The following OGFOD3 variants were observed in gnomAD, a reference collection of about 807,000 sequenced individuals.
OGFOD3 encodes the protein 2-oxoglutarate and iron-dependent oxygenase domain-containing protein 3.
In OGFOD3, 35 loss-of-function variants were observed where a neutral mutation model predicts 39.8. The ratio of observed to expected loss-of-function variants is 0.88; its 90% CI spans 0.67 to 1.17. The LOEUF (loss-of-function observed/expected upper bound fraction) is 1.17. OGFOD3 is among the 50% of genes most tolerant of loss of function. The pLI, the probability that OGFOD3 is intolerant of heterozygous loss-of-function variation, is 0.00. For synonymous variants in OGFOD3, 200 were observed against 192.0 expected (o/e 1.04, Z -0.34); for missense variants, 438 against 454.5 (o/e 0.96, Z 0.33).
At position 82,415,998 on chromosome 17, in the gene OGFOD3, G is replaced by A. The variant is rs1202139393; in HGVS notation, c.75-371C>T. Reference sequence around the variant, plus strand: ...AATCCCAGCACCTGGGGAGGCCAAGGCGGGCAGATCACCTGAGGTCAGGGT... The same window carrying A: ...AATCCCAGCACCTGGGGAGGCCAAGACGGGCAGATCACCTGAGGTCAGGGT... On this transcript the variant is annotated intron_variant, in intron 1 of 8. Coordinates refer to ENST00000313056, the MANE Select transcript of OGFOD3 (RefSeq NM_024648.3). The surrounding 1 kb of genome is among the most constrained non-coding windows in gnomAD (Gnocchi z 5.3). Among the ~76,000 whole-genome samples, 1 of 152,134 alleles carries A rather than the reference G, an allele frequency of 6.6e-6. No homozygotes were observed. The highest frequency in any genetic ancestry group is 6.5e-5 in the Admixed American group (1 of 15,276).
rs1477475373 is a variant in OGFOD3, at chr17:82,405,373, C to T, written c.496G>A (p.Gly166Arg). 6.2e-6 allele frequency: 10 copies of T among 1,613,688 alleles called. No homozygotes were observed. Among genetic ancestry groups the T allele is most frequent in the South Asian group, 4.4e-5 (4 of 91,084 alleles). ...GAGAAGATGTTCTGTATTTTATCCC[C>T]GAAGTATCTGTGAAAAAAGGAGTAT... ...KHFVNLYRYF[G>R]DKIQNIFSEE... Residue 166 changes from glycine (G) to arginine (R), a missense_variant, in exon 6 of 9, where the codon GGG becomes AGG. Physicochemically the swap from Gly to Arg is moderately radical, Grantham distance 125. Coordinates refer to ENST00000313056, the MANE Select transcript of OGFOD3 (RefSeq NM_024648.3).
At chr17:82,399,463 G>A (rs375743502) in intron 7 of OGFOD3, among the ~76,000 whole-genome samples, 1 of 152,330 alleles carries the variant, frequency 6.6e-6, no homozygotes, top group African/African-American at 2.4e-5. Context: ...GTAATAAAAT[G>A]CAGAACCTAA....
chr17:82,407,025 C>T (rs901731353), intron 4 of OGFOD3, among the ~76,000 whole-genome samples: 2 of 152,160 alleles, frequency 1.3e-5, no homozygotes, highest in Non-Finnish European at 2.9e-5. Flanking sequence ...CAAAACCAGC[C>T]TGGCTAACAT....
At chr17:82,410,537 C>T (rs767466076) in intron 3 of OGFOD3, among the ~76,000 whole-genome samples, 23 of 152,114 alleles carry the variant, frequency 1.5e-4, no homozygotes, top group Non-Finnish European at 2.8e-4. Context: ...AGCAGTGTCC[C>T]GGAGGCTCCG....
chr17:82,405,723 G>T (rs930385030), intron 5 of OGFOD3, among the ~76,000 whole-genome samples: 2 of 152,086 alleles, frequency 1.3e-5, no homozygotes, highest in African/African-American at 2.4e-5. Context: ...GCCGAGGCAG[G>T]TGGATCACTT....
intron 7 of OGFOD3, among the ~76,000 whole-genome samples, chr17:82,401,823 A>AAAAAAAAAAAAAAAAAAAAAAAAAAAAC (rs56137245): frequency 6.8e-6 from 1 of 146,810 alleles, no homozygotes; most frequent in Non-Finnish European, 1.5e-5. Context: ...AAAAAAAAAA[A>AAAAAAAAAAAAAAAAAAAAAAAAAAAAC]CAAAGACTGC....
intron 2 of OGFOD3, among the ~76,000 whole-genome samples, chr17:82,411,960 C>G (rs1013642689): frequency 2.8e-4 from 42 of 151,924 alleles, no homozygotes; most frequent in African/African-American, 9.2e-4. Context: ...GAAAACCCTC[C>G]TGAGGCCACC....
chr17:82,410,861 G>A (rs1470656081), intron 3 of OGFOD3, among the ~76,000 whole-genome samples: 3 of 151,202 alleles, frequency 2.0e-5, no homozygotes, highest in Non-Finnish European at 4.4e-5. Context: ...TGGGATTACA[G>A]GAGTGTGCCA....
intron 8 of OGFOD3, among the ~76,000 whole-genome samples, chr17:82,395,617 T>C (rs1013796619): frequency 6.6e-6 from 1 of 152,026 alleles, no homozygotes; most frequent in Non-Finnish European, 1.5e-5. Flanking sequence ...GTCAGGAGAT[T>C]GAGACCATTC....
chr17:82,405,250 C>T (rs543939395), intron 6 of OGFOD3, 74 bp downstream of exon 6: 49 of 1,336,776 alleles, frequency 3.7e-5, no homozygotes, highest in African/African-American at 3.6e-4. Context: ...CTCCCCGGAC[C>T]GGCCAGCTCT....
chr17:82,399,754 G>C (rs562622397), intron 7 of OGFOD3, among the ~76,000 whole-genome samples: 82 of 152,298 alleles, frequency 5.4e-4, no homozygotes, highest in Non-Finnish European at 4.4e-5. Context: ...CTCAGGGGTC[G>C]CAGCACTCAG....
At chr17:82,395,603 C>T (rs896138304) in intron 8 of OGFOD3, among the ~76,000 whole-genome samples, 7 of 152,188 alleles carry the variant, frequency 4.6e-5, no homozygotes, top group Admixed American at 2.0e-4. Flanking sequence ...GGGTGGATCA[C>T]GAGGTCAGGA....
chr17:82,403,762 C>A, intron 7 of OGFOD3, 175 bp downstream of exon 7: 1 of 829,690 alleles, frequency 1.2e-6, no homozygotes, highest in Non-Finnish European at 1.9e-6. Context: ...TCCACATGCG[C>A]GCTCACCCTG....
chr17:82,406,322 T>C lies in OGFOD3; in HGVS notation c.488+96A>G. On this transcript the variant is annotated intron_variant, in intron 5 of 8. Coordinates refer to ENST00000313056, the MANE Select transcript of OGFOD3 (RefSeq NM_024648.3). This position sits in a 1 kb window ranked among gnomAD's most constrained non-coding sequence, Gnocchi z 5.2. Reference sequence around the variant, plus strand: ...AGGCTGCACCGAGCCGGATCCTCCCTCACATGTCCACGTGTCCACATGTCC... The same window carrying C: ...AGGCTGCACCGAGCCGGATCCTCCCCCACATGTCCACGTGTCCACATGTCC... The C allele has an allele frequency of 1.7e-6, 2 of 1,158,288 alleles. No homozygotes were observed. Among genetic ancestry groups the C allele is most frequent in the Non-Finnish European group, 2.6e-6 (2 of 774,942 alleles). 71.8% of individuals were successfully genotyped at this position (1,158,288 alleles called of 1,614,324 possible).
At chr17:82,412,068 C>T (rs1246681967) in intron 2 of OGFOD3, among the ~76,000 whole-genome samples, 2 of 71,724 alleles carry the variant, frequency 2.8e-5, no homozygotes, top group Non-Finnish European at 5.8e-5. Context: ...GAAAACCCTC[C>T]TGAGACCGCC....
Position 82,415,472 on chromosome 17 carries a change from C to T in OGFOD3, c.230G>A (p.Arg77His), listed in dbSNP as rs138722964. Residue 77 changes from arginine to histidine, a missense_variant, in exon 2 of 9, where the codon CGT (arginine) becomes CAT (histidine). Transcript: ENST00000313056. This position sits in a 1 kb window ranked among gnomAD's most constrained non-coding sequence, Gnocchi z 5.3. ...GAATCTCCCTGCCACGACCTCGCCA[C>T]GGCGGGCCAGGACCTCTGCGACCCC... Reference protein sequence around the residue: ...DDGVAEVLARRGEVVAGRFIE... With the variant: ...DDGVAEVLARHGEVVAGRFIE... 3.0e-5 allele frequency: 48 copies of T among 1,613,848 alleles called. No homozygotes were observed. Among genetic ancestry groups the T allele is most frequent in the African/African-American group, 1.3e-5 (1 of 74,934 alleles).
In OGFOD3 at chr17:82,403,998, C is replaced by T; in HGVS notation, c.638G>A (p.Arg213His). 2 of 1,610,096 alleles carry T rather than the reference C, an allele frequency of 1.2e-6. No homozygotes were observed. The highest frequency in any genetic ancestry group is 1.7e-5 in the Admixed American group (1 of 59,368). ...LHLTKPTFFSRINSTEARTAH... is the reference protein window; with the variant it reads ...LHLTKPTFFSHINSTEARTAH... ...CGTCCGCGCTTCCGTGCTGTTTATG[C>T]GGGAGAAGAAGGTGGGCTTGGTCAG... Residue 213 changes from arginine (R) to histidine (H), a missense_variant, in exon 7 of 9, where the codon CGC (arginine) becomes CAC (histidine). Physicochemically the swap from Arg to His is conservative, Grantham distance 29. Transcript: ENST00000313056.
intron 2 of OGFOD3, among the ~76,000 whole-genome samples, chr17:82,411,972 GA>G (rs918025116): frequency 4.0e-5 from 6 of 151,708 alleles, no homozygotes; most frequent in African/African-American, 1.5e-4. Context: ...GAGGCCACCA[GA>G]GGGGGGAACC....
intron 4 of OGFOD3, among the ~76,000 whole-genome samples, chr17:82,408,098 G>A (rs774862649): frequency 1.3e-4 from 19 of 151,922 alleles, no homozygotes; most frequent in Non-Finnish European, 1.8e-4. Context: ...AGTGGAGATC[G>A]CCCCATTGCA....
Sources: allele counts gnomAD v4.1 joint callset (sites outside exome capture counted in the v4.1 genomes callset), GRCh38; gene constraint gnomAD v4.1.1; non-coding constraint Gnocchi (gnomAD v3.1); transcripts MANE v1.5; gene names NCBI Gene and HGNC (gene_info 2026-07-23, HGNC 2026-07-21).